Variants in RSRC1 observed in about 807,000 individuals in gnomAD.
The protein encoded by RSRC1 is serine/Arginine-related protein 53.
RSRC1 carries 39 observed loss-of-function variants against 49.1 expected under a neutral mutation model. The observed-to-expected ratio is 0.79, with a 90% CI of 0.61 to 1.04. The LOEUF is 1.04. RSRC1 is among the 50% of genes least tolerant of loss of function. The pLI, the probability that RSRC1 is intolerant of heterozygous loss-of-function variation, is 0.00. For synonymous variants in RSRC1, 143 were observed against 130.8 expected (o/e 1.09, Z -0.63); for missense variants, 388 against 402.4 (o/e 0.96, Z 0.31).
At chr3:158,401,902 T>A (rs1363717005) in intron 6 of RSRC1, among the ~76,000 whole-genome samples, 1 of 151,934 alleles carries the variant, frequency 6.6e-6, no homozygotes, top group Non-Finnish European at 1.5e-5. Context: ...TGTGTGTAGA[T>A]AACATGGCAG....
At chr3:158,499,392 GT>G (rs971507206) in intron 7 of RSRC1, among the ~76,000 whole-genome samples, 8 of 147,116 alleles carry the variant, frequency 5.4e-5, no homozygotes, top group South Asian at 2.2e-4. Context: ...AAAAAACAGA[GT>G]TTTTTTTTTT....
At chr3:158,441,449 G>GTT (rs139663164) in intron 6 of RSRC1, among the ~76,000 whole-genome samples, 4 of 149,046 alleles carry the variant, frequency 2.7e-5, no homozygotes, top group Non-Finnish European at 3.0e-5. Flanking sequence ...TATCAGTAGG[G>GTT]TTTTTTTTTT....
At chr3:158,325,958 TGG>T (rs1729106785) in intron 5 of RSRC1, among the ~76,000 whole-genome samples, 1 of 152,184 alleles carries the variant, frequency 6.6e-6, no homozygotes, top group South Asian at 2.1e-4. Context: ...CCTTGTAAGT[TGG>T]ATTCCTAGGT....
At chr3:158,444,644 C>T (rs1273723705) in intron 6 of RSRC1, among the ~76,000 whole-genome samples, 1 of 152,052 alleles carries the variant, frequency 6.6e-6, no homozygotes, top group Non-Finnish European at 1.5e-5. Context: ...CAACAAAAGC[C>T]AAAATTGACA....
chr3:158,533,304 G>T (rs1379710192), intron 7 of RSRC1, among the ~76,000 whole-genome samples: 1 of 151,674 alleles, frequency 6.6e-6, no homozygotes, highest in Non-Finnish European at 1.5e-5. Context: ...TTTTCATATT[G>T]TGAGTAAGGC....
At chr3:158,230,551 TGAA>T (rs1722891250) in intron 4 of RSRC1, among the ~76,000 whole-genome samples, 1 of 28,726 alleles carries the variant, frequency 3.5e-5, no homozygotes. Context: ...AGTGAATAAA[TGAA>T]ATAAAACATA....
At chr3:158,243,638 T>A (rs1232841151) in intron 4 of RSRC1, among the ~76,000 whole-genome samples, 1 of 152,198 alleles carries the variant, frequency 6.6e-6, no homozygotes, top group Non-Finnish European at 1.5e-5. Flanking sequence ...CTTTGGGCAG[T>A]ATGGCCATTT....
chr3:158,228,652 A>T (rs1292913315), intron 4 of RSRC1, among the ~76,000 whole-genome samples: 1 of 150,720 alleles, frequency 6.6e-6, no homozygotes, highest in Non-Finnish European at 1.5e-5. Flanking sequence ...TAAGACTGAA[A>T]ATACATCTAC....
chr3:158,391,031 G>T (rs967215163), intron 6 of RSRC1, among the ~76,000 whole-genome samples: 3 of 152,010 alleles, frequency 2.0e-5, no homozygotes, highest in African/African-American at 7.3e-5. Context: ...TCTGCTTCAT[G>T]ATAGAGCTAC....
rs181194478 is a variant in RSRC1 at position 158,312,986 on chromosome 3, A to C, written c.531+14911A>C. Reference sequence around the variant, plus strand: ...AGAGATATAAACCTAACAGGTTTATATCTTGACATGTTCTGAGTCATACTT... The same window carrying C: ...AGAGATATAAACCTAACAGGTTTATCTCTTGACATGTTCTGAGTCATACTT... On this transcript the variant is annotated intron_variant, in intron 5 of 9. Coordinates refer to ENST00000611884, the MANE Select transcript of RSRC1 (RefSeq NM_001271838.2). Among the ~76,000 whole-genome samples the C allele has an allele frequency of 9.2e-5, 14 of 152,272 alleles. No individual in the cohort carries two copies. The South Asian group carries it at 2.1e-3, about 23-fold the overall frequency.
chr3:158,366,281 T>C (rs1731764326), intron 6 of RSRC1, among the ~76,000 whole-genome samples: 1 of 152,212 alleles, frequency 6.6e-6, no homozygotes, highest in Non-Finnish European at 1.5e-5. Context: ...TGGTTGTAGG[T>C]CTTACGTTTA....
chr3:158,300,353 TTATC>T (rs1207836174), intron 5 of RSRC1, among the ~76,000 whole-genome samples: 1 of 152,228 alleles, frequency 6.6e-6, no homozygotes, highest in Non-Finnish European at 1.5e-5. Context: ...ATCTGTCTGT[TTATC>T]CATCCATTCA....
At chr3:158,191,224 T>C (rs185025606) in intron 3 of RSRC1, among the ~76,000 whole-genome samples, 1 of 152,164 alleles carries the variant, frequency 6.6e-6, no homozygotes, top group African/African-American at 2.4e-5. Flanking sequence ...GTTATCGTTT[T>C]AGTTGGAATT....
chr3:158,305,633 G>A (rs1358297780), intron 5 of RSRC1, among the ~76,000 whole-genome samples: 3 of 152,160 alleles, frequency 2.0e-5, no homozygotes, highest in Non-Finnish European at 2.9e-5. Context: ...GGACAACAAC[G>A]TTGCTTTCTG....
chr3:158,397,998 C>G (rs555489077), intron 6 of RSRC1, among the ~76,000 whole-genome samples: 1 of 151,916 alleles, frequency 6.6e-6, no homozygotes, highest in Non-Finnish European at 1.5e-5. Context: ...GGATGGGATG[C>G]GTACTGCGAC....
intron 5 of RSRC1, among the ~76,000 whole-genome samples, chr3:158,348,794 A>G (rs1730706287): frequency 6.6e-6 from 1 of 151,932 alleles, no homozygotes; most frequent in South Asian, 2.1e-4. Context: ...GTCCATGTAT[A>G]CCATTTGTGT....
chr3:158,150,598 T>C (rs1559919989), intron 3 of RSRC1, among the ~76,000 whole-genome samples: 1 of 152,192 alleles, frequency 6.6e-6, no homozygotes, highest in Non-Finnish European at 1.5e-5. Context: ...GGGACAGTAG[T>C]AGGTCTTGAT....
chr3:158,115,922 T>C (rs1714777547), intron 1 of RSRC1, among the ~76,000 whole-genome samples: 1 of 152,198 alleles, frequency 6.6e-6, no homozygotes, highest in African/African-American at 2.4e-5. Flanking sequence ...ATGGATAACC[T>C]TTGGTACTCC....
intron 4 of RSRC1, among the ~76,000 whole-genome samples, chr3:158,225,474 T>A (rs1722478785): frequency 6.6e-6 from 1 of 151,908 alleles, no homozygotes. Flanking sequence ...CTGATTAAAG[T>A]ACTCTCCCAC....
Sources: allele counts gnomAD v4.1 joint callset (sites outside exome capture counted in the v4.1 genomes callset), GRCh38; gene constraint gnomAD v4.1.1; transcripts MANE v1.5; gene names NCBI Gene and HGNC (gene_info 2026-07-23, HGNC 2026-07-21).